Variants in PNMA6F observed in about 807,000 individuals in gnomAD.
The protein encoded by PNMA6F is paraneoplastic antigen Ma6F.
For missense variants in PNMA6F, 57 were observed against 10.8 expected, an observed-to-expected ratio of 5.25 and a Z score of -5.98; for synonymous variants, 14 against 3.4, an observed-to-expected ratio of 4.15 and a Z score of -3.45.
At chrX:153,321,007 A>G (rs1430893885) in intron 1 of PNMA6F, among the ~76,000 whole-genome samples, 3 of 106,127 alleles carry the variant, frequency 2.8e-5, no homozygotes, top group Admixed American at 1.0e-4. Context: ...CAACAAGTGC[A>G]CCTCCCCCTC....
In PNMA6F at chrX:153,319,761, T is replaced by A. The variant is rs2051982836; in HGVS notation, c.914A>T (p.Asp305Val). The A allele has an allele frequency of 1.0e-5, 3 of 298,689 alleles. No homozygotes were observed. The highest frequency in any genetic ancestry group is 1.2e-4 in the Admixed American group (2 of 16,580). The allele number at this position is 298,689 out of a possible 1,213,427, so 24.6% of individuals were successfully genotyped here. ...TTCCTCCAGGAGGCCGCTCACGATA[T>A]CCAGGGCCAGGCCATCCAAGCTGTC... ...LLDSLDGLALDIVSGLLEEDP... is the reference protein window; with the variant it reads ...LLDSLDGLALVIVSGLLEEDP... Residue 305 changes from aspartate to valine, a missense_variant, in exon 2 of 2, where the codon GAT becomes GTT. By Grantham distance (152) the Asp-to-Val change is radical. Coordinates refer to ENST00000436629, the MANE Select transcript of PNMA6F (RefSeq NM_001354980.2).
chrX:153,318,440 C>A lies in PNMA6F; in HGVS notation c.*498G>T. On this transcript the variant is annotated 3_prime_UTR_variant, in exon 2 of 2. Transcript: ENST00000436629. ...AGCAGGAAGCTCACAGCATGTGCCCCAGGCCCAGAGGCAGCCGCACCGATG... is the reference window on the plus strand; with the variant it reads ...AGCAGGAAGCTCACAGCATGTGCCCAAGGCCCAGAGGCAGCCGCACCGATG... 8.4e-6 allele frequency: 1 copy of A among 118,723 alleles called. No homozygotes were observed. 9.8% of individuals were successfully genotyped at this position (118,723 alleles called of 1,213,427 possible).
At position 153,319,372 on chromosome X, in the gene PNMA6F, G is replaced by T. The variant is rs2051978829; in HGVS notation, c.1303C>A (p.Gln435Lys). The T allele has an allele frequency of 3.4e-6, 1 of 298,143 alleles. No individual in the cohort carries two copies. The highest frequency in any genetic ancestry group is 4.7e-5 in the East Asian group (1 of 21,055). The allele number at this position is 298,143 out of a possible 1,213,427, so 24.6% of individuals were successfully genotyped here. The change falls in exon 2 of 2, where the codon CAG (glutamine) becomes AAG (lysine). Residue 435 changes from glutamine (Q) to lysine (K), a missense_variant. Transcript: ENST00000436629. Reference sequence around the variant, plus strand: ...GGGGCCGCTGCCCAGGCCACACCCTGCTGGCTCCTTGCTAGGGAGGCTGCC... The same window carrying T: ...GGGGCCGCTGCCCAGGCCACACCCTTCTGGCTCCTTGCTAGGGAGGCTGCC... Reference protein sequence around the residue: ...AWAASLARSQQGVAWAAAPVE... With the variant: ...AWAASLARSQKGVAWAAAPVE...
rs73245855 is a variant in PNMA6F at position 153,318,769 on chromosome X, G to A, written c.*169C>T. 61,723 of 293,700 alleles carry A rather than the reference G, an allele frequency of 0.21. 5,494 individuals are homozygous for A. The highest frequency in any genetic ancestry group is 0.46 in the East Asian group (9,533 of 20,768). 24.2% of individuals were successfully genotyped at this position (293,700 alleles called of 1,213,427 possible). Reference sequence around the variant, plus strand: ...GCCAGCTCCCCATTTGGTATCAAACGTGGTCATCTGAGTCACTGGGAAGGG... The same window carrying A: ...GCCAGCTCCCCATTTGGTATCAAACATGGTCATCTGAGTCACTGGGAAGGG... On this transcript the variant is annotated 3_prime_UTR_variant, in exon 2 of 2. Coordinates refer to ENST00000436629, the MANE Select transcript of PNMA6F (RefSeq NM_001354980.2).
Position 153,318,232 on chromosome X carries a change from C to G in PNMA6F, c.*706G>C, listed in dbSNP as rs62593739. The stretch of plus-strand genomic sequence containing the variant: ...TAGCAGTCACAGGATGAGCGTCCAT[C>G]GTGCCCTGGCGCCTCCTTCCACCAT... On this transcript the variant is annotated 3_prime_UTR_variant, in exon 2 of 2. Coordinates refer to ENST00000436629, the MANE Select transcript of PNMA6F (RefSeq NM_001354980.2). 0.011 allele frequency: 1,356 copies of G among 120,294 alleles called. 3 individuals carry two copies. Among genetic ancestry groups the G allele is most frequent in the Non-Finnish European group, 0.019 (995 of 53,106 alleles). 9.9% of individuals were successfully genotyped at this position (120,294 alleles called of 1,213,427 possible).
rs1038553562 is a variant in PNMA6F at position 153,319,924 on chromosome X, G to T, written c.751C>A (p.Arg251=). 4.0e-5 allele frequency: 12 copies of T among 302,355 alleles called. No homozygotes were observed. The highest frequency in any genetic ancestry group is 2.7e-4 in the African/African-American group (10 of 36,607). The allele number at this position is 302,355 out of a possible 1,213,427, so 24.9% of individuals were successfully genotyped here. ...CTCCCGGAAAAGGGTCTCAGTTCCC[G>T]GTAGGCCATAGTTTTCACCAGAGGC... is the stretch of plus-strand genomic sequence containing the variant. ...LRPLVKTMAY[R]ELRPFSGREQ... is the part of the protein sequence containing the mutation. Residue 251 remains arginine, a synonymous_variant, in exon 2 of 2, where the codon CGG becomes AGG. Transcript: ENST00000436629.
intron 1 of PNMA6F, 133 bp from the exon 2 acceptor site, chrX:153,320,890 C>T (rs782439854): frequency 7.5e-6 from 2 of 267,447 alleles, no homozygotes; most frequent in Non-Finnish European, 1.3e-5. Flanking sequence ...AGCCCATGCA[C>T]CCCCAAAGCC....
Position 153,318,553 on chromosome X carries a change from G to A in PNMA6F, c.*385C>T. The A allele has an allele frequency of 7.5e-6, 1 of 132,774 alleles. No homozygotes were observed. Among genetic ancestry groups the A allele is most frequent in the Non-Finnish European group, 1.5e-5 (1 of 66,144 alleles). The allele number at this position is 132,774 out of a possible 1,213,427, so 10.9% of individuals were successfully genotyped here. Reference sequence around the variant, plus strand: ...GTTCGGACGCGTGGGTCACTATGGGGCCTACAGAGGTGAGGGTGGGCTTCC... The same window carrying A: ...GTTCGGACGCGTGGGTCACTATGGGACCTACAGAGGTGAGGGTGGGCTTCC... On this transcript the variant is annotated 3_prime_UTR_variant, in exon 2 of 2. Coordinates refer to ENST00000436629, the MANE Select transcript of PNMA6F (RefSeq NM_001354980.2).
In PNMA6F at chrX:153,319,596, C is replaced by T. The variant is rs891574810; in HGVS notation, c.1079G>A (p.Arg360His). The T allele has an allele frequency of 1.3e-5, 4 of 298,099 alleles. No homozygotes were observed. Among genetic ancestry groups the T allele is most frequent in the Non-Finnish European group, 1.8e-5 (3 of 170,491 alleles). 24.6% of individuals were successfully genotyped at this position (298,099 alleles called of 1,213,427 possible). A position where few individuals can be genotyped will look rare whatever the true frequency, so the allele number is the denominator to read the frequency against. The change falls in exon 2 of 2, where the codon CGC (arginine) becomes CAC (histidine). Residue 360 changes from arginine to histidine, a missense_variant. Arg to His is a conservative substitution (Grantham distance 29). Transcript: ENST00000436629. ...PQEGLFAFVV[R>H]LEGLLQKAVE... ...GGCCTTCTGCAGCAGGCCTTCCAGGCGCACCACGAAGGCAAACAGCCCCTC... is the reference window on the plus strand; with the variant it reads ...GGCCTTCTGCAGCAGGCCTTCCAGGTGCACCACGAAGGCAAACAGCCCCTC...
In PNMA6F at chrX:153,319,373, C is replaced by T. The variant is rs1162161574; in HGVS notation, c.1302G>A (p.Gln434=). The change falls in exon 2 of 2, where the codon CAG becomes CAA. Residue 434 remains glutamine, a synonymous_variant. Coordinates refer to ENST00000436629, the MANE Select transcript of PNMA6F (RefSeq NM_001354980.2). The stretch of plus-strand genomic sequence containing the variant: ...GGGCCGCTGCCCAGGCCACACCCTG[C>T]TGGCTCCTTGCTAGGGAGGCTGCCC... ...EAWAASLARS[Q]QGVAWAAAPV... The T allele has an allele frequency of 2.7e-5, 8 of 297,057 alleles. No homozygotes were observed. In the Admixed American group the frequency reaches 3.0e-4, roughly 11 times the overall value. 24.5% of individuals were successfully genotyped at this position (297,057 alleles called of 1,213,427 possible). A position where few individuals can be genotyped will look rare whatever the true frequency, so the allele number is the denominator to read the frequency against.
rs1468357544 is a variant in PNMA6F at position 153,321,579 on chromosome X, C to T, written c.-111G>A. 2 of 106,239 alleles carry T rather than the reference C, an allele frequency of 1.9e-5. No homozygotes were observed. Among genetic ancestry groups the T allele is most frequent in the East Asian group, 6.0e-4 (2 of 3,345 alleles). 8.8% of individuals were successfully genotyped at this position (106,239 alleles called of 1,213,427 possible). A position where few individuals can be genotyped will look rare whatever the true frequency, so the allele number is the denominator to read the frequency against. ...TCTCCGACTCTGCGGACGCTGCGAC[C>T]ACCCGCGGAAAAACGCCGCCTTCAA... On this transcript the variant is annotated 5_prime_UTR_variant, in exon 1 of 2. Coordinates refer to ENST00000436629, the MANE Select transcript of PNMA6F (RefSeq NM_001354980.2).
rs140459765 is a variant in PNMA6F, at chrX:153,318,268, T to A, written c.*670A>T. ...GCCTCCTTCCACCATCTCCCAGGAC[T>A]GTGCTGGGGGCCTCCGGGGAGGAGC... On this transcript the variant is annotated 3_prime_UTR_variant, in exon 2 of 2. Transcript: ENST00000436629. 1,466 of 121,614 alleles carry A rather than the reference T, an allele frequency of 0.012. 20 individuals carry two copies. The highest frequency in any genetic ancestry group is 0.045 in the African/African-American group (1,381 of 30,530). 10.0% of individuals were successfully genotyped at this position (121,614 alleles called of 1,213,427 possible).
In PNMA6F at chrX:153,318,218, G is replaced by A. The variant is rs2051969017; in HGVS notation, c.*720C>T. On this transcript the variant is annotated 3_prime_UTR_variant, in exon 2 of 2. Coordinates refer to ENST00000436629, the MANE Select transcript of PNMA6F (RefSeq NM_001354980.2). The stretch of plus-strand genomic sequence containing the variant: ...GGTCATGCTCACCATAGCAGTCACA[G>A]GATGAGCGTCCATCGTGCCCTGGCG... 1 of 119,430 alleles carries A rather than the reference G, an allele frequency of 8.4e-6. No homozygotes were observed. The highest frequency in any genetic ancestry group is 1.9e-5 in the Non-Finnish European group (1 of 53,202). The allele number at this position is 119,430 out of a possible 1,213,427, so 9.8% of individuals were successfully genotyped here.
At position 153,319,179 on chromosome X, in the gene PNMA6F, T is replaced by C; in HGVS notation, c.1496A>G (p.Glu499Gly). 3.4e-6 allele frequency: 1 copy of C among 298,445 alleles called. No homozygotes were observed. 24.6% of individuals were successfully genotyped at this position (298,445 alleles called of 1,213,427 possible). ...GGGGGACCTTCCCTGACCTAGGCCTTCAAGGCCTGCAGGGGCATTTTCATC... is the reference window on the plus strand; with the variant it reads ...GGGGGACCTTCCCTGACCTAGGCCTCCAAGGCCTGCAGGGGCATTTTCATC... ...GEDENAPAGL[E>G]GLGQGRSPDA... is the part of the protein sequence containing the mutation. Residue 499 changes from glutamate (E) to glycine (G), a missense_variant, in exon 2 of 2, where the codon GAA (glutamate) becomes GGA (glycine). Glu to Gly is a moderately conservative substitution (Grantham distance 98). Coordinates refer to ENST00000436629, the MANE Select transcript of PNMA6F (RefSeq NM_001354980.2).
Position 153,320,507 on chromosome X carries a change from G to A in PNMA6F, c.168C>T (p.Leu56=), listed in dbSNP as rs1184048027. ...ATTCCACCAAGGCTGCCCTGGCCCC[G>A]AGCTCCTTTCTGAAGACCTTGATGA... ...RVLIKVFRKE[L]GARAALVEFA... Residue 56 remains leucine (L), a synonymous_variant, in exon 2 of 2, where the codon CTC becomes CTT. Transcript: ENST00000436629. 2 of 295,332 alleles carry A rather than the reference G, an allele frequency of 6.8e-6. No individual in the cohort carries two copies. The highest frequency in any genetic ancestry group is 1.2e-5 in the Non-Finnish European group (2 of 170,045). The allele number at this position is 295,332 out of a possible 1,213,427, so 24.3% of individuals were successfully genotyped here. A position where few individuals can be genotyped will look rare whatever the true frequency, so the allele number is the denominator to read the frequency against.
rs1221700148 is a variant in PNMA6F at position 153,321,629 on chromosome X, A to T, written c.-161T>A. 2 of 107,423 alleles carry T rather than the reference A, an allele frequency of 1.9e-5. No homozygotes were observed. The highest frequency in any genetic ancestry group is 6.8e-5 in the African/African-American group (2 of 29,296). The allele number at this position is 107,423 out of a possible 1,213,427, so 8.9% of individuals were successfully genotyped here. On this transcript the variant is annotated 5_prime_UTR_variant, in exon 1 of 2. Coordinates refer to ENST00000436629, the MANE Select transcript of PNMA6F (RefSeq NM_001354980.2). ...AGCTGTGGAGCCCACTCTGGAGGCC[A>T]CCTAGAGGCCCTGGAGCAGGAGGGT...
Position 153,318,019 on chromosome X carries a change from A to T in PNMA6F, c.*919T>A, listed in dbSNP as rs782489777. On this transcript the variant is annotated 3_prime_UTR_variant, in exon 2 of 2. Transcript: ENST00000436629. ...ATAGCCCTCACAGGACACTGAAAAC[A>T]CAGCAGGGAACACCCCCCCAAGTCA... 3.4e-5 allele frequency: 4 copies of T among 116,422 alleles called. No homozygotes were observed. Among genetic ancestry groups the T allele is most frequent in the African/African-American group, 1.3e-4 (4 of 30,609 alleles). 9.6% of individuals were successfully genotyped at this position (116,422 alleles called of 1,213,427 possible).
At position 153,320,119 on chromosome X, in the gene PNMA6F, C is replaced by G. The variant is rs1189704237; in HGVS notation, c.556G>C (p.Gly186Arg). ...TCCTCACCTGCACCTCCTGCCTCAC[C>G]TGCACCTCCTGCCTCACCTGCACCT... Reference protein sequence around the residue: ...AGGAGEAGGAGEAGGAGEEGG... With the variant: ...AGGAGEAGGAREAGGAGEEGG... The change falls in exon 2 of 2, where the codon GGT becomes CGT. Residue 186 changes from glycine to arginine, a missense_variant. Coordinates refer to ENST00000436629, the MANE Select transcript of PNMA6F (RefSeq NM_001354980.2). 14 of 364,821 alleles carry G rather than the reference C, an allele frequency of 3.8e-5. No homozygotes were observed. The highest frequency in any genetic ancestry group is 3.2e-4 in the African/African-American group (12 of 37,483). The allele number at this position is 364,821 out of a possible 1,213,427, so 30.1% of individuals were successfully genotyped here. A position where few individuals can be genotyped will look rare whatever the true frequency, so the allele number is the denominator to read the frequency against.
Position 153,319,817 on chromosome X carries a change from C to G in PNMA6F, c.858G>C (p.Ala286=), listed in dbSNP as rs989975283. The G allele has an allele frequency of 3.3e-6, 1 of 300,046 alleles. No homozygotes were observed. Among genetic ancestry groups the G allele is most frequent in the South Asian group, 1.9e-4 (1 of 5,214 alleles). The allele number at this position is 300,046 out of a possible 1,213,427, so 24.7% of individuals were successfully genotyped here. Residue 286 remains alanine (A), a synonymous_variant, in exon 2 of 2, where the codon GCG becomes GCC. Coordinates refer to ENST00000436629, the MANE Select transcript of PNMA6F (RefSeq NM_001354980.2). ...GCCGCCTCCTTCTCTCCCTTTCCGA[C>G]GCGTGGCACCACAGCTGCAGCATAT... ...AKDMLQLWCH[A]SERERRRRLL...
Sources: gnomAD v4.1 joint callset for allele counts (sites outside exome capture counted in the v4.1 genomes callset) on GRCh38, gnomAD v4.1.1 for gene constraint, MANE v1.5 for transcripts, NCBI Gene and HGNC (gene_info 2026-07-23, HGNC 2026-07-21) for gene names.